MACF1: variants seen among roughly 807,000 people sequenced by gnomAD.
The protein encoded by MACF1 is microtubule-actin cross-linking factor 1.
Under a neutral mutation model 854.8 loss-of-function variants are expected in MACF1, and 193 were observed. That is an observed-to-expected ratio of 0.23 (90% CI 0.20 to 0.25). The LOEUF (loss-of-function observed/expected upper bound fraction) is 0.25. Among genes scored for constraint, MACF1 ranks in the 10% least tolerant of loss-of-function variants. The pLI is 1.00. For synonymous variants in MACF1, 3,185 were observed against 3,226.7 expected, an observed-to-expected ratio of 0.99 and a Z score of 0.44; for missense variants, 7,722 against 8,929.1, an observed-to-expected ratio of 0.86 and a Z score of 5.45.
intron 90 of MACF1, 155 bp from the exon 91 acceptor site, chr1:39,458,931 G>A (rs1157344501): frequency 1.9e-5 from 13 of 668,952 alleles, no homozygotes; most frequent in African/African-American, 1.3e-4. Context: ...TTTGGAATTA[G>A]TACACCTCCG....
In MACF1 at chr1:39,300,278, C is replaced by A. The variant is rs545766907; in HGVS notation, c.2550C>A (p.Ile850=). 1.2e-6 allele frequency: 2 copies of A among 1,614,014 alleles called. No homozygotes were observed. Among genetic ancestry groups the A allele is most frequent in the South Asian group, 1.1e-5 (1 of 91,050 alleles). ...VASLVGRSKT[I]VQLKPRSPDH... is the part of the protein sequence containing the mutation. ...GTCTCGTTGGGAGATCAAAAACCAT[C>A]GTTCAGCTAAAACCACGCAGTCCAG... Residue 850 remains isoleucine, a synonymous_variant, in exon 22 of 101, where the codon ATC becomes ATA. Coordinates refer to ENST00000564288, the MANE Select transcript of MACF1 (RefSeq NM_001394062.1).
intron 2 of MACF1, among the ~76,000 whole-genome samples, chr1:39,185,143 T>A (rs1478818830): frequency 1.3e-5 from 2 of 150,868 alleles, no homozygotes; most frequent in African/African-American, 4.9e-5. Context: ...TACAAAAAAA[T>A]TAGCTGGGCG....
At chr1:39,237,051 T>G (rs1243049699) in intron 2 of MACF1, among the ~76,000 whole-genome samples, 1 of 152,256 alleles carries the variant, frequency 6.6e-6, no homozygotes, top group African/African-American at 2.4e-5. Context: ...TTGCAGCGTT[T>G]CCAACCCACC....
rs1646430190 is a variant in MACF1 at position 39,317,208 on chromosome 1, C to T, written c.3589-6C>T. On this transcript the variant is annotated splice_polypyrimidine_tract_variant and splice_region_variant and intron_variant, in intron 28 of 100. Coordinates refer to ENST00000564288, the MANE Select transcript of MACF1 (RefSeq NM_001394062.1). ...ACAACCTGTTTCTGTACTTATGTTT[C>T]CACAGCACTGGCTTAGTGATGTGAA... 1.2e-6 allele frequency: 2 copies of T among 1,612,550 alleles called. No individual in the cohort carries two copies. The highest frequency in any genetic ancestry group is 1.7e-6 in the Non-Finnish European group (2 of 1,179,356).
Position 39,437,985 on chromosome 1 carries a change from C to G in MACF1, c.18197C>G (p.Ala6066Gly), listed in dbSNP as rs761429783. 1.2e-6 allele frequency: 2 copies of G among 1,614,018 alleles called. No individual in the cohort carries two copies. The highest frequency in any genetic ancestry group is 3.3e-5 in the Admixed American group (2 of 60,018). The part of the protein sequence containing the change: ...GEELIGRSQG[A>G]DKDLAAKEIQ... The stretch of plus-strand genomic sequence containing the variant: ...GAGCTTATTGGACGATCTCAGGGAG[C>G]AGACAAGGATCTGGCTGCAAAAGGT... Residue 6066 changes from alanine to glycine, a missense_variant, in exon 71 of 101, where the codon GCA becomes GGA. By Grantham distance (60) the Ala-to-Gly change is moderately conservative. Coordinates refer to ENST00000564288, the MANE Select transcript of MACF1 (RefSeq NM_001394062.1).
intron 2 of MACF1, among the ~76,000 whole-genome samples, chr1:39,112,932 A>G (rs1055545683): frequency 1.3e-5 from 2 of 151,884 alleles, no homozygotes; most frequent in African/African-American, 2.4e-5. Flanking sequence ...ACAGTGAGCT[A>G]TCATCACCCC....
Position 39,332,488 on chromosome 1 carries a change from T to C in MACF1, c.5900T>C (p.Leu1967Pro). Residue 1967 changes from leucine (L) to proline (P), a missense_variant, in exon 37 of 101, where the codon CTG becomes CCG. By Grantham distance (98) the Leu-to-Pro change is moderately conservative. Around this residue, in one of 15 missense-constraint regions of MACF1, gnomAD observed 1,531 missense variants for 1,601.6 expected, o/e 0.96. Coordinates refer to ENST00000564288, the MANE Select transcript of MACF1 (RefSeq NM_001394062.1). ...ASQSENLLFQ[L>P]MTHSYINVQN... ...CAGAGTGAGAATCTGTTGTTCCAGC[T>C]GATGACTCACAGCTATATTAATGTG... 6.2e-7 allele frequency: 1 copy of C among 1,614,066 alleles called. No individual in the cohort carries two copies. The highest frequency in any genetic ancestry group is 8.5e-7 in the Non-Finnish European group (1 of 1,180,024).
chr1:39,236,619 C>T (rs1340396289), intron 2 of MACF1, among the ~76,000 whole-genome samples: 3 of 152,032 alleles, frequency 2.0e-5, no homozygotes, highest in African/African-American at 7.2e-5. Flanking sequence ...AGTGTTAGGA[C>T]AAAGAAGAAA....
intron 2 of MACF1, among the ~76,000 whole-genome samples, chr1:39,127,622 T>A (rs1442729769): frequency 6.6e-6 from 1 of 152,214 alleles, no homozygotes; most frequent in Non-Finnish European, 1.5e-5. Context: ...TACTTTTCCT[T>A]CACTTCCTTG....
intron 84 of MACF1, among the ~76,000 whole-genome samples, chr1:39,450,441 T>G (rs916847524): frequency 3.9e-5 from 6 of 152,028 alleles, no homozygotes; most frequent in Non-Finnish European, 2.9e-5. Flanking sequence ...GAGTGGTATA[T>G]GAGGTGATTA....
rs1435809879 is a variant in MACF1, at chr1:39,322,634, C to T, written c.4056C>T (p.Tyr1352=). 5 of 1,614,076 alleles carry T rather than the reference C, an allele frequency of 3.1e-6. No individual in the cohort carries two copies. In the Admixed American group the frequency reaches 6.7e-5, roughly 22 times the overall value. Residue 1352 remains tyrosine (Y), a synonymous_variant, in exon 32 of 101, where the codon TAC becomes TAT. Transcript: ENST00000564288. ...ACTATGAATTGCAACTGATGACATA[C>T]AAGGCCTTTGTGGAATCGCAGCAGA... ...VKDYELQLMT[Y]KAFVESQQKS...
chr1:39,275,147 C>T (rs1159373454), intron 6 of MACF1, among the ~76,000 whole-genome samples: 1 of 149,858 alleles, frequency 6.7e-6, no homozygotes, highest in African/African-American at 2.5e-5. Context: ...GGCGCGATCT[C>T]GGCTCGCTGC....
At chr1:39,343,538 A>T (rs1463975661) in intron 40 of MACF1, among the ~76,000 whole-genome samples, 1 of 152,250 alleles carries the variant, frequency 6.6e-6, no homozygotes, top group Non-Finnish European at 1.5e-5. Context: ...ATATAAAAAC[A>T]TAGAGACATA....
intron 2 of MACF1, among the ~76,000 whole-genome samples, chr1:39,247,180 C>G (rs1371131549): frequency 4.1e-5 from 6 of 146,552 alleles, no homozygotes; most frequent in Admixed American, 7.2e-5. Flanking sequence ...TCACGCCATT[C>G]TCCTGCCTCA....
intron 6 of MACF1, among the ~76,000 whole-genome samples, chr1:39,262,791 C>T (rs1180026605): frequency 1.3e-5 from 2 of 152,116 alleles, no homozygotes; most frequent in African/African-American, 4.8e-5. Context: ...ATTTATTTGT[C>T]TTCTTGTAGG....
rs570065508 is a variant in MACF1 at position 39,379,539 on chromosome 1, T to C, written c.13518+95T>C. 1.3e-5 allele frequency: 18 copies of C among 1,402,258 alleles called. No homozygotes were observed. In the East Asian group the frequency reaches 3.8e-4, roughly 29 times the overall value. 86.9% of individuals were successfully genotyped at this position (1,402,258 alleles called of 1,614,324 possible). On this transcript the variant is annotated intron_variant, in intron 54 of 100. Coordinates refer to ENST00000564288, the MANE Select transcript of MACF1 (RefSeq NM_001394062.1). Reference sequence around the variant, plus strand: ...AGCCCAGGTATCTGAGAGAGAGACATGGGCAACAATCTAGGCTGTGATGGG... The same window carrying C: ...AGCCCAGGTATCTGAGAGAGAGACACGGGCAACAATCTAGGCTGTGATGGG...
At chr1:39,427,886 T>C (rs1643775332) in intron 62 of MACF1, 75 bp from the exon 63 acceptor site, 1 of 1,171,928 alleles carries the variant, frequency 8.5e-7, no homozygotes, top group Non-Finnish European at 1.2e-6. Context: ...GTTGTATCAT[T>C]TGTTATTCAT....
At position 39,451,160 on chromosome 1, in the gene MACF1, G is replaced by A. The variant is rs367715036; in HGVS notation, c.20367G>A (p.Gln6789=). The A allele has an allele frequency of 4.3e-6, 7 of 1,614,062 alleles. No individual in the cohort carries two copies. Among genetic ancestry groups the A allele is most frequent in the Non-Finnish European group, 5.1e-6 (6 of 1,180,040 alleles). Residue 6789 remains glutamine (Q), a synonymous_variant, in exon 85 of 101, where the codon CAG becomes CAA. Transcript: ENST00000564288. The part of the protein sequence containing the change: ...YKVEPQLAED[Q]PVHGDLDLVM... ...TGGAGCCACAGCTGGCTGAGGACCA[G>A]CCCGTGCACGGGGACCTTGACCTCG...
intron 1 of MACF1, among the ~76,000 whole-genome samples, chr1:39,228,804 C>T (rs903892121): frequency 6.6e-6 from 1 of 152,212 alleles, no homozygotes; most frequent in Non-Finnish European, 1.5e-5. Flanking sequence ...CAGGCATGCG[C>T]CACCATGTCC....
Sources: allele counts gnomAD v4.1 joint callset (sites outside exome capture counted in the v4.1 genomes callset), GRCh38; gene constraint gnomAD v4.1.1; regional missense constraint gnomAD v4.1.1; transcripts MANE v1.5; gene names NCBI Gene and HGNC (gene_info 2026-07-23, HGNC 2026-07-21).